ARL13B: variants seen among roughly 807,000 people sequenced by gnomAD.
ARL13B encodes the protein ADP-ribosylation factor-like protein 13B.
ARL13B carries 36 observed loss-of-function variants against 56.1 expected under a neutral mutation model. That is an observed-to-expected ratio of 0.64 (90% CI 0.49 to 0.85). The LOEUF (loss-of-function observed/expected upper bound fraction) is 0.85. Ranked by LOEUF, ARL13B falls within the 40% of genes least tolerant of loss-of-function variation. The pLI, the probability that ARL13B is intolerant of heterozygous loss-of-function variation, is 0.00. For missense variants in ARL13B, 519 were observed against 507.1 expected, an observed-to-expected ratio of 1.02 and a Z score of -0.23; for synonymous variants, 178 against 171.1, an observed-to-expected ratio of 1.04 and a Z score of -0.32.
intron 7 of ARL13B, among the ~76,000 whole-genome samples, chr3:94,044,253 C>A (rs1250816701): frequency 6.7e-6 from 1 of 149,892 alleles, no homozygotes; most frequent in Admixed American, 6.6e-5. Context: ...ATGTGAGGAG[C>A]GCCCCTGGCC....
At chr3:94,013,779 TC>T (rs1287665091) in intron 3 of ARL13B, among the ~76,000 whole-genome samples, 3 of 152,054 alleles carry the variant, frequency 2.0e-5, no homozygotes, top group Non-Finnish European at 4.4e-5. Flanking sequence ...AACCACCCCC[TC>T]TACTAAAAAT....
chr3:93,999,461 A>T (rs965874892), intron 2 of ARL13B, among the ~76,000 whole-genome samples: 6 of 152,182 alleles, frequency 3.9e-5, no homozygotes, highest in African/African-American at 1.4e-4. Context: ...TTTTGTGAGT[A>T]CATAGTAGGT....
intron 3 of ARL13B, among the ~76,000 whole-genome samples, chr3:94,020,584 G>C (rs1163048066): frequency 6.6e-6 from 1 of 152,180 alleles, no homozygotes; most frequent in Non-Finnish European, 1.5e-5. Context: ...GTTGGGAAAA[G>C]AGCCAGATCA....
rs780520443 is a variant in ARL13B, at chr3:94,015,019, C to G, written c.380+11111C>G. ...AGACTCTCTCTTAAGTAGACTAAAC[C>G]TTCTCATTGAAGCCACCAGACTTTT... On this transcript the variant is annotated intron_variant, in intron 3 of 9. Transcript: ENST00000394222. 35 of 1,613,884 alleles carry G rather than the reference C, an allele frequency of 2.2e-5. No individual in the cohort carries two copies. In the East Asian group the frequency reaches 7.8e-4, roughly 36 times the overall value.
intron 5 of ARL13B, among the ~76,000 whole-genome samples, chr3:94,037,021 G>T (rs2076781105): frequency 6.6e-6 from 1 of 152,036 alleles, no homozygotes; most frequent in Admixed American, 6.5e-5. Context: ...ATTGCTTGTG[G>T]GTACCTTAGT....
At chr3:94,044,960 A>G (rs1455746470) in intron 7 of ARL13B, among the ~76,000 whole-genome samples, 1 of 152,228 alleles carries the variant, frequency 6.6e-6, no homozygotes, top group Non-Finnish European at 1.5e-5. Flanking sequence ...GACAGTGACC[A>G]TCAAGAACGG....
chr3:94,030,117 A>G (rs1009663698), intron 3 of ARL13B, among the ~76,000 whole-genome samples: 7 of 152,208 alleles, frequency 4.6e-5, no homozygotes, highest in African/African-American at 1.7e-4. Context: ...AACACGAATG[A>G]AAATGGTTAC....
chr3:93,982,363 C>T (rs1416358545), intron 1 of ARL13B, among the ~76,000 whole-genome samples: 1 of 152,100 alleles, frequency 6.6e-6, no homozygotes, highest in Non-Finnish European at 1.5e-5. Flanking sequence ...AGGGTAACAA[C>T]GAGCTACACG....
At chr3:94,015,386 A>G in intron 3 of ARL13B, 1 of 809,556 alleles carries the variant, frequency 1.2e-6, no homozygotes, top group Non-Finnish European at 1.8e-6. Flanking sequence ...AAGTTCTCCT[A>G]GTTTTCTCAA....
chr3:94,027,696 A>C (rs913698921), intron 3 of ARL13B, among the ~76,000 whole-genome samples: 3 of 152,192 alleles, frequency 2.0e-5, no homozygotes, highest in African/African-American at 7.2e-5. Flanking sequence ...ACCTATCTAC[A>C]TATGTTGTAT....
At chr3:94,034,372 A>G (rs2076731285) in intron 3 of ARL13B, among the ~76,000 whole-genome samples, 1 of 152,144 alleles carries the variant, frequency 6.6e-6, no homozygotes, top group Non-Finnish European at 1.5e-5. Context: ...ACTTTGAGCA[A>G]GGCAGTATTT....
chr3:94,028,531 C>G (rs1184291436), intron 3 of ARL13B: 3 of 152,100 alleles, frequency 2.0e-5, no homozygotes, highest in Middle Eastern at 3.2e-3. Context: ...AATTTGAAAG[C>G]CAAATAATGA....
At chr3:94,020,733 C>T (rs563760244) in intron 3 of ARL13B, among the ~76,000 whole-genome samples, 1 of 152,278 alleles carries the variant, frequency 6.6e-6, no homozygotes, top group South Asian at 2.1e-4. Flanking sequence ...CGGTGGGAAA[C>T]ATTTAAGAGC....
In ARL13B at chr3:94,055,097, A is replaced by T. The variant is rs549742916; in HGVS notation, c.*1834A>T. The T allele has an allele frequency of 2.7e-6, 1 of 368,062 alleles. No homozygotes were observed. The highest frequency in any genetic ancestry group is 2.2e-5 in the African/African-American group (1 of 46,286). The allele number at this position is 368,062 out of a possible 1,614,324, so 22.8% of individuals were successfully genotyped here. On this transcript the variant is annotated 3_prime_UTR_variant, in exon 10 of 10. Coordinates refer to ENST00000394222, the MANE Select transcript of ARL13B (RefSeq NM_001174150.2). ...TGAAATTAAATATAATATAGAATTC[A>T]CATTTTATATAGCTCTCTCAAAAAT... is the stretch of plus-strand genomic sequence containing the variant.
At chr3:93,983,593 G>A (rs915940062) in intron 1 of ARL13B, among the ~76,000 whole-genome samples, 4 of 152,052 alleles carry the variant, frequency 2.6e-5, no homozygotes, top group Admixed American at 2.0e-4. Flanking sequence ...AAGAGTCATC[G>A]GTTTTTCATC....
chr3:94,025,714 C>T (rs2076542770), intron 3 of ARL13B, among the ~76,000 whole-genome samples: 1 of 152,086 alleles, frequency 6.6e-6, no homozygotes, highest in Admixed American at 6.5e-5. Context: ...CCCCTTGTAG[C>T]CCAGGTAGTA....
chr3:94,027,563 T>C (rs1421038402), intron 3 of ARL13B, among the ~76,000 whole-genome samples: 1 of 152,076 alleles, frequency 6.6e-6, no homozygotes, highest in African/African-American at 2.4e-5. Context: ...GTGTTCGAGG[T>C]ATTACGTGGC....
At chr3:94,027,680 T>G (rs1029332434) in intron 3 of ARL13B, among the ~76,000 whole-genome samples, 26 of 152,082 alleles carry the variant, frequency 1.7e-4, no homozygotes, top group Non-Finnish European at 3.5e-4. Flanking sequence ...ACTTTGAAAG[T>G]ATCTAACCTA....
chr3:94,004,168 A>G lies in ARL13B; in HGVS notation c.380+260A>G, dbSNP rs1014073062. Among the ~76,000 whole-genome samples the G allele has an allele frequency of 3.3e-5, 5 of 152,148 alleles. No individual in the cohort carries two copies. In the East Asian group the frequency reaches 9.6e-4, roughly 29 times the overall value. ...AACTCATTGTTTTATGTGATAGTTT[A>G]CTTTTTATAGAATTTTGCATTTTGA... On this transcript the variant is annotated intron_variant, in intron 3 of 9. Coordinates refer to ENST00000394222, the MANE Select transcript of ARL13B (RefSeq NM_001174150.2).
Sources: allele counts gnomAD v4.1 joint callset (sites outside exome capture counted in the v4.1 genomes callset), GRCh38; gene constraint gnomAD v4.1.1; transcripts MANE v1.5; gene names NCBI Gene and HGNC (gene_info 2026-07-23, HGNC 2026-07-21).